TAS2R1: variants seen among roughly 807,000 people sequenced by gnomAD.
TAS2R1 encodes the protein taste 2 receptor member 1.
For synonymous variants in TAS2R1, 141 were observed against 134.2 expected, an observed-to-expected ratio of 1.05 and a Z score of -0.35; for missense variants, 370 against 353.4, an observed-to-expected ratio of 1.05 and a Z score of -0.38.
the TAS2R1 span, among the ~76,000 whole-genome samples, chr5:9,800,966 C>T: frequency 6.6e-6 from 1 of 152,092 alleles, no homozygotes; most frequent in Non-Finnish European, 1.5e-5. Flanking sequence ...CCAAGGCAGG[C>T]AGATCACCTG....
chr5:9,811,330 C>G, the TAS2R1 span, among the ~76,000 whole-genome samples: 1 of 152,144 alleles, frequency 6.6e-6, no homozygotes, highest in South Asian at 2.1e-4. Flanking sequence ...ACACAGTCTA[C>G]GACATTTTGT....
chr5:9,893,224 T>C, the TAS2R1 span, among the ~76,000 whole-genome samples: 1 of 148,400 alleles, frequency 6.7e-6, no homozygotes, highest in African/African-American at 2.5e-5. Flanking sequence ...TTTTTTTTTT[T>C]TGGAGACAGA....
chr5:9,698,980 G>A (rs1248774355), intron 1 of TAS2R1, among the ~76,000 whole-genome samples: 1 of 152,140 alleles, frequency 6.6e-6, no homozygotes, highest in East Asian at 1.9e-4. Flanking sequence ...GTGGCATCCT[G>A]TTTCTGTTTT....
intron 2 of TAS2R1, among the ~76,000 whole-genome samples, chr5:9,639,528 G>T (rs1239421201): frequency 6.6e-6 from 1 of 152,110 alleles, no homozygotes; most frequent in African/African-American, 2.4e-5. Flanking sequence ...GAATTATTTT[G>T]GTTTTCCTGG....
chr5:9,817,283 G>T, the TAS2R1 span, among the ~76,000 whole-genome samples: 1 of 152,108 alleles, frequency 6.6e-6, no homozygotes, highest in Non-Finnish European at 1.5e-5. Context: ...AATGAGATTA[G>T]ATTTTATTTT....
At chr5:9,694,508 A>T (rs1246675727) in intron 1 of TAS2R1, among the ~76,000 whole-genome samples, 1 of 152,224 alleles carries the variant, frequency 6.6e-6, no homozygotes, top group African/African-American at 2.4e-5. Context: ...AATCATTTTA[A>T]TAGGTGCCAT....
chr5:9,669,249 C>G (rs1348723984), intron 1 of TAS2R1, among the ~76,000 whole-genome samples: 2 of 152,106 alleles, frequency 1.3e-5, no homozygotes, highest in Non-Finnish European at 2.9e-5. Context: ...CAGGAGCACC[C>G]AGATTCATTA....
the TAS2R1 span, among the ~76,000 whole-genome samples, chr5:9,800,743 C>G: frequency 6.6e-6 from 1 of 152,212 alleles, no homozygotes; most frequent in Non-Finnish European, 1.5e-5. Context: ...TATCCATTGG[C>G]CCTGTTGTGG....
chr5:9,872,826 C>A, the TAS2R1 span, among the ~76,000 whole-genome samples: 2 of 152,214 alleles, frequency 1.3e-5, no homozygotes, highest in Non-Finnish European at 2.9e-5. Flanking sequence ...TCAGGTATAA[C>A]TACATTGACT....
At chr5:9,834,373 T>C in the TAS2R1 span, among the ~76,000 whole-genome samples, 1 of 152,190 alleles carries the variant, frequency 6.6e-6, no homozygotes, top group African/African-American at 2.4e-5. Flanking sequence ...AAATAAACAG[T>C]ACCTGGCACA....
At chr5:9,848,470 A>G in the TAS2R1 span, among the ~76,000 whole-genome samples, 65 of 152,306 alleles carry the variant, frequency 4.3e-4, no homozygotes, top group Non-Finnish European at 7.9e-4. Context: ...CTCCAAATTA[A>G]GGGTATGAAG....
chr5:9,825,807 C>T, the TAS2R1 span, among the ~76,000 whole-genome samples: 2 of 152,168 alleles, frequency 1.3e-5, no homozygotes, highest in Non-Finnish European at 1.5e-5. Context: ...AATGGGAGCA[C>T]TTTCAAGCTT....
the TAS2R1 span, among the ~76,000 whole-genome samples, chr5:9,743,024 A>T: frequency 6.6e-6 from 1 of 152,078 alleles, no homozygotes; most frequent in South Asian, 2.1e-4. Context: ...ACCAATCAGG[A>T]GCACCAACCT....
rs1398920639 is a variant in TAS2R1 at position 9,629,780 on chromosome 5, GA to G, written c.132del (p.Leu45SerfsTer4). 6.2e-7 allele frequency: 1 copy of G among 1,613,788 alleles called. No individual in the cohort carries two copies. The highest frequency in any genetic ancestry group is 1.1e-5 in the South Asian group (1 of 91,054). ...AGTTCCAATTCATTTATAAATAAGA[GA>G]ATTGCACAATTCGCAGAACACATGA... On this transcript the variant is annotated frameshift_variant, in exon 3 of 3. Transcript: ENST00000506620. LOFTEE classifies it low-confidence loss of function (END_TRUNC).
chr5:9,794,510 A>G, the TAS2R1 span, among the ~76,000 whole-genome samples: 2 of 152,232 alleles, frequency 1.3e-5, no homozygotes, highest in African/African-American at 2.4e-5. Flanking sequence ...ATAAACAAAT[A>G]TAAGTGATCA....
the TAS2R1 span, among the ~76,000 whole-genome samples, chr5:9,722,010 G>A: frequency 6.6e-6 from 1 of 152,286 alleles, no homozygotes; most frequent in Non-Finnish European, 1.5e-5. Context: ...TGCTACTTCT[G>A]AGAAGATGTT....
At chr5:9,796,556 T>C in the TAS2R1 span, among the ~76,000 whole-genome samples, 1 of 151,996 alleles carries the variant, frequency 6.6e-6, no homozygotes, top group Admixed American at 6.6e-5. Flanking sequence ...ATTGGGAAGA[T>C]TTGTTGCCCT....
At chr5:9,863,892 C>T in the TAS2R1 span, among the ~76,000 whole-genome samples, 1 of 152,162 alleles carries the variant, frequency 6.6e-6, no homozygotes, top group Non-Finnish European at 1.5e-5. Flanking sequence ...GGACAGTTAC[C>T]CAAGTAAAGT....
the TAS2R1 span, among the ~76,000 whole-genome samples, chr5:9,719,051 T>C: frequency 6.6e-6 from 1 of 152,296 alleles, no homozygotes; most frequent in East Asian, 1.9e-4. Flanking sequence ...AAAATTAGAA[T>C]ATGGGCAGTG....
Sources: gnomAD v4.1 joint callset for allele counts (sites outside exome capture counted in the v4.1 genomes callset) on GRCh38, gnomAD v4.1.1 for gene constraint, MANE v1.5 for transcripts, NCBI Gene and HGNC (gene_info 2026-07-23, HGNC 2026-07-21) for gene names.